The following NRXN1 variants were observed in gnomAD, a reference collection of about 807,000 sequenced individuals.
The protein encoded by NRXN1 is neurexin-1.
Under a neutral mutation model 150.9 loss-of-function variants are expected in NRXN1, and 39 were observed. The ratio of observed to expected loss-of-function variants is 0.26; its 90% CI spans 0.20 to 0.34. The LOEUF (loss-of-function observed/expected upper bound fraction) is 0.34, where lower values mean the gene tolerates loss of function less well. NRXN1 is among the 10% of genes least tolerant of loss of function. The pLI, the probability that NRXN1 is intolerant of heterozygous loss-of-function variation, is 1.00. For synonymous variants in NRXN1, 924 were observed against 757.0 expected, an observed-to-expected ratio of 1.22 and a Z score of -3.62; for missense variants, 1,815 against 1,949.9, an observed-to-expected ratio of 0.93 and a Z score of 1.30.
At chr2:51,017,710 G>C (rs929306287) in intron 2 of NRXN1, among the ~76,000 whole-genome samples, 7 of 151,676 alleles carry the variant, frequency 4.6e-5, no homozygotes, top group Non-Finnish European at 8.8e-5. Flanking sequence ...GTGCTTTTGA[G>C]TAGTGAAATA....
At chr2:50,443,230 A>G (rs911532716) in intron 17 of NRXN1, among the ~76,000 whole-genome samples, 16 of 152,206 alleles carry the variant, frequency 1.1e-4, no homozygotes, top group African/African-American at 3.9e-4. Flanking sequence ...GGAGAGAAAT[A>G]ACAGAAAGAC....
At chr2:50,369,795 G>A (rs1558613022) in intron 17 of NRXN1, among the ~76,000 whole-genome samples, 2 of 152,072 alleles carry the variant, frequency 1.3e-5, no homozygotes. Flanking sequence ...TGTGAACTCT[G>A]ATGCTTTCTG....
chr2:50,258,127 G>A (rs527875316), intron 17 of NRXN1, among the ~76,000 whole-genome samples: 4 of 151,942 alleles, frequency 2.6e-5, no homozygotes, highest in African/African-American at 7.2e-5. Context: ...GAAGGTTGAG[G>A]TGGCTGTGGC....
intron 5 of NRXN1, among the ~76,000 whole-genome samples, chr2:50,744,943 T>A (rs1298974301): frequency 1.3e-5 from 2 of 152,116 alleles, no homozygotes; most frequent in African/African-American, 4.8e-5. Context: ...TGACAATCTC[T>A]TGGTGTTTCT....
chr2:50,393,196 T>TA (rs1572806420), intron 17 of NRXN1, among the ~76,000 whole-genome samples: 1 of 151,994 alleles, frequency 6.6e-6, no homozygotes, highest in African/African-American at 2.4e-5. Context: ...AACATATGTA[T>TA]ACTGGATGTT....
Position 50,528,632 on chromosome 2 carries a change from A to C in NRXN1, c.2367T>G (p.Cys789Trp), listed in dbSNP as rs1254964054. 1 of 1,543,906 alleles carries C rather than the reference A, an allele frequency of 6.5e-7. No individual in the cohort carries two copies. The highest frequency in any genetic ancestry group is 8.9e-7 in the Non-Finnish European group (1 of 1,123,938). Residue 789 changes from cysteine (C) to tryptophan (W), a missense_variant, in exon 12 of 23, where the codon TGT becomes TGG. Transcript: ENST00000401669. Reference sequence around the variant, plus strand: ...TTTTGAATAGGCACTTACTGGAATTACAGTTAATCCTGATACAATCTAGAT... The same window carrying C: ...TTTTGAATAGGCACTTACTGGAATTCCAGTTAATCCTGATACAATCTAGAT... ...TVNLDCIRIN[C>W]NSSKGPETLF...
chr2:51,028,472 C>G lies in NRXN1; in HGVS notation c.-199G>C, dbSNP rs982297991. The G allele has an allele frequency of 4.6e-6, 2 of 433,048 alleles. No individual in the cohort carries two copies. The highest frequency in any genetic ancestry group is 4.1e-5 in the African/African-American group (2 of 48,990). The allele number at this position is 433,048 out of a possible 1,614,324, so 26.8% of individuals were successfully genotyped here. ...AACCCCGCCCTCTCTCCCTGTAGTC[C>G]TCTTCCAACTGGAAAACGTTGACCC... On this transcript the variant is annotated 5_prime_UTR_variant, in exon 2 of 23. Transcript: ENST00000401669.
chr2:50,167,486 T>G (rs568456265), intron 18 of NRXN1, among the ~76,000 whole-genome samples: 1 of 152,140 alleles, frequency 6.6e-6, no homozygotes, highest in South Asian at 2.1e-4. Context: ...TCTGGTGCTA[T>G]TGGCAACCAG....
intron 17 of NRXN1, among the ~76,000 whole-genome samples, chr2:50,377,602 C>T (rs17040501): frequency 0.02 from 3,100 of 152,142 alleles, 120 homozygotes; most frequent in African/African-American, 0.07. Context: ...ACATACTAAA[C>T]GCTGAATGGT....
At chr2:50,828,322 T>C (rs1450555715) in intron 5 of NRXN1, among the ~76,000 whole-genome samples, 1 of 133,006 alleles carries the variant, frequency 7.5e-6, no homozygotes, top group Non-Finnish European at 1.6e-5. Context: ...GGGAGGGGGC[T>C]GAACCCCCCG....
intron 17 of NRXN1, among the ~76,000 whole-genome samples, chr2:50,279,008 G>A (rs1314532564): frequency 6.6e-6 from 1 of 152,160 alleles, no homozygotes; most frequent in Non-Finnish European, 1.5e-5. Context: ...CCACCAGGCT[G>A]AAGTTTCTCT....
At chr2:49,979,018 G>T (rs914587062) in intron 21 of NRXN1, among the ~76,000 whole-genome samples, 2 of 152,140 alleles carry the variant, frequency 1.3e-5, no homozygotes, top group Non-Finnish European at 2.9e-5. Context: ...GGGGAAGGAG[G>T]TCGGGTGCGG....
At chr2:50,472,987 CATT>C (rs1256278539) in intron 15 of NRXN1, among the ~76,000 whole-genome samples, 1 of 151,850 alleles carries the variant, frequency 6.6e-6, no homozygotes, top group Admixed American at 6.6e-5. Context: ...AGTCAACAGG[CATT>C]ATTATTAAAT....
At chr2:50,979,170 G>A (rs946530619) in intron 2 of NRXN1, 1 of 481,234 alleles carries the variant, frequency 2.1e-6, no homozygotes, top group East Asian at 5.6e-5. Flanking sequence ...TAACTTACAT[G>A]GTCATCGTAT....
chr2:50,035,312 G>C (rs898537912), intron 21 of NRXN1, among the ~76,000 whole-genome samples: 1 of 151,994 alleles, frequency 6.6e-6, no homozygotes, highest in Non-Finnish European at 1.5e-5. Flanking sequence ...TTACAAGCTA[G>C]ATTTTTCCTT....
chr2:50,895,813 CA>C (rs1016830185), intron 5 of NRXN1, among the ~76,000 whole-genome samples: 7 of 152,052 alleles, frequency 4.6e-5, no homozygotes. Flanking sequence ...CTCCTGATCT[CA>C]AGTAATCCAC....
intron 5 of NRXN1, among the ~76,000 whole-genome samples, chr2:50,678,610 C>G (rs1689887677): frequency 6.6e-6 from 1 of 152,146 alleles, no homozygotes; most frequent in Non-Finnish European, 1.5e-5. Flanking sequence ...TTTAATGACT[C>G]ATTAACCCTT....
At position 50,952,554 on chromosome 2, in the gene NRXN1, G is replaced by C. The variant is rs147203887; in HGVS notation, c.773-26599C>G. 1.3e-3 allele frequency among the ~76,000 whole-genome samples: 200 copies of C among 152,152 alleles called. 2 individuals carry two copies. Among genetic ancestry groups the C allele is most frequent in the African/African-American group, 4.4e-3 (184 of 41,498 alleles). On this transcript the variant is annotated intron_variant, in intron 2 of 22. Transcript: ENST00000401669. ...CAGCTGTAGGTGTTGGAGATATAGA[G>C]GTAAACAAGTCTGACATGATCTATG...
chr2:50,553,140 A>G (rs1336273492), intron 8 of NRXN1, 115 bp from the exon 9 acceptor site: 1 of 754,696 alleles, frequency 1.3e-6, no homozygotes, highest in Non-Finnish European at 2.2e-6. Flanking sequence ...TATTTAGTTA[A>G]TTTTGTTGTA....
Sources: allele counts gnomAD v4.1 joint callset (sites outside exome capture counted in the v4.1 genomes callset), GRCh38; gene constraint gnomAD v4.1.1; transcripts MANE v1.5; gene names NCBI Gene and HGNC (gene_info 2026-07-23, HGNC 2026-07-21).